Variants in RUFY1 observed in about 807,000 individuals in gnomAD.
The protein encoded by RUFY1 is RUN and FYVE domain containing 1.
A neutral mutation model predicts 94.6 loss-of-function variants in RUFY1; 54 were observed. The ratio of observed to expected loss-of-function variants is 0.57; its 90% CI spans 0.46 to 0.72. RUFY1 has a LOEUF of 0.72. Among genes scored for constraint, RUFY1 ranks in the 30% least tolerant of loss-of-function variants. RUFY1 has a pLI of 0.00. For synonymous variants in RUFY1, 396 were observed against 347.3 expected, an observed-to-expected ratio of 1.14 and a Z score of -1.56; for missense variants, 883 against 883.9, an observed-to-expected ratio of 1.00 and a Z score of 0.01.
intron 1 of RUFY1, among the ~76,000 whole-genome samples, chr5:179,559,269 TA>T (rs972900225): frequency 2.6e-5 from 4 of 152,362 alleles, no homozygotes; most frequent in African/African-American, 9.6e-5. Context: ...ACACAGTCTT[TA>T]TTACACCCTC....
Position 179,609,496 on chromosome 5 carries a change from C to T in RUFY1, c.2104C>T (p.Arg702Cys), listed in dbSNP as rs1391590593. ...CAGCTGCCACACCCTGCTCCTGCAG[C>T]GCTGCTCCTCCACGGCCTCCTGAAC... Reference protein sequence around the residue: ...CDSCHTLLLQRCSSTAS With the variant: ...CDSCHTLLLQCCSSTAS The change falls in exon 18 of 18, where the codon CGC becomes TGC. Residue 702 changes from arginine to cysteine, a missense_variant. Coordinates refer to ENST00000319449, the MANE Select transcript of RUFY1 (RefSeq NM_025158.5). 8.7e-6 allele frequency: 14 copies of T among 1,608,050 alleles called. No homozygotes were observed. Among genetic ancestry groups the T allele is most frequent in the South Asian group, 1.1e-5 (1 of 90,750 alleles).
chr5:179,609,261 A>G (rs980351222), intron 17 of RUFY1, 115 bp from the exon 18 acceptor site: 1 of 1,033,640 alleles, frequency 9.7e-7, no homozygotes, highest in Non-Finnish European at 1.4e-6. Flanking sequence ...ACCACCCCAC[A>G]GAAACATAAG....
At chr5:179,561,488 G>A (rs1001209972) in intron 2 of RUFY1, among the ~76,000 whole-genome samples, 1 of 151,602 alleles carries the variant, frequency 6.6e-6, no homozygotes, top group Non-Finnish European at 1.5e-5. Context: ...AGAATTTCTA[G>A]CTATGTAGAG....
intron 17 of RUFY1, among the ~76,000 whole-genome samples, chr5:179,609,138 C>T (rs1281038223): frequency 6.9e-6 from 1 of 144,056 alleles, no homozygotes; most frequent in Non-Finnish European, 1.5e-5. Flanking sequence ...ACCTGGGAGG[C>T]AGAGCTTGCA....
intron 17 of RUFY1, chr5:179,608,220 A>G: frequency 1.1e-6 from 1 of 898,432 alleles, no homozygotes; most frequent in Non-Finnish European, 1.3e-6. Context: ...TGGGAGCTAA[A>G]GGAAACACTG....
chr5:179,596,774 G>A (rs868652484), intron 13 of RUFY1, 93 bp downstream of exon 13: 6 of 924,550 alleles, frequency 6.5e-6, no homozygotes, highest in Middle Eastern at 8.0e-4. Context: ...AGCACGAACG[G>A]GAGGAGGGGG....
At chr5:179,563,680 CT>C (rs34656379) in intron 3 of RUFY1, among the ~76,000 whole-genome samples, 53 of 147,880 alleles carry the variant, frequency 3.6e-4, no homozygotes, top group Middle Eastern at 3.6e-3. Context: ...ATTTCATGAC[CT>C]TTTTTTTTTT....
chr5:179,583,570 C>G (rs1313562628), intron 7 of RUFY1, among the ~76,000 whole-genome samples: 1 of 147,446 alleles, frequency 6.8e-6, no homozygotes, highest in Non-Finnish European at 1.5e-5. Context: ...GCACCTGCCA[C>G]CACACTTGGC....
At chr5:179,560,457 C>A (rs1410677173) in intron 2 of RUFY1, among the ~76,000 whole-genome samples, 5 of 152,068 alleles carry the variant, frequency 3.3e-5, no homozygotes, top group Non-Finnish European at 7.4e-5. Flanking sequence ...CGGTGGCTCA[C>A]GCCTGTAATC....
intron 15 of RUFY1, among the ~76,000 whole-genome samples, chr5:179,603,244 A>G (rs10213709): frequency 0.048 from 6,840 of 143,980 alleles, 508 homozygotes; most frequent in African/African-American, 0.16. Context: ...CAGCCTGGGC[A>G]ACAAAAGTGA....
At chr5:179,607,982 G>A (rs930725542) in intron 17 of RUFY1, among the ~76,000 whole-genome samples, 12 of 152,158 alleles carry the variant, frequency 7.9e-5, no homozygotes, top group African/African-American at 2.9e-4. Flanking sequence ...TTCTCTGTAT[G>A]CGGCAGGAAC....
In RUFY1 at chr5:179,609,719, ATGGAAACTTCCATCTTACT is replaced by A; in HGVS notation, c.*204_*222del. 2.0e-6 allele frequency: 1 copy of A among 508,976 alleles called. No individual in the cohort carries two copies. 31.5% of individuals were successfully genotyped at this position (508,976 alleles called of 1,614,324 possible). A position where few individuals can be genotyped will look rare whatever the true frequency, so the allele number is the denominator to read the frequency against. On this transcript the variant is annotated 3_prime_UTR_variant, in exon 18 of 18. Transcript: ENST00000319449. ...ACTTGTTCGGAATTAACTCCTCTGGATGGAAACTTCCATCTTACTTGGTTACATCACGGCTCTGGTTCAG... is the reference window on the plus strand; with the variant it reads ...ACTTGTTCGGAATTAACTCCTCTGGATGGTTACATCACGGCTCTGGTTCAG...
At chr5:179,602,038 C>T (rs1444270274) in intron 15 of RUFY1, 52 bp downstream of exon 15, 1 of 1,435,778 alleles carries the variant, frequency 7.0e-7, no homozygotes, top group African/African-American at 1.4e-5. Flanking sequence ...AGGCTACCCA[C>T]CACATCCCTC....
intron 10 of RUFY1, among the ~76,000 whole-genome samples, chr5:179,591,969 G>A (rs916555079): frequency 8.6e-5 from 13 of 151,876 alleles, no homozygotes; most frequent in African/African-American, 2.9e-4. Flanking sequence ...TTTTCAAGAC[G>A]GAGTCTCACT....
chr5:179,590,073 G>T (rs553035838), intron 9 of RUFY1, among the ~76,000 whole-genome samples: 7 of 152,280 alleles, frequency 4.6e-5, no homozygotes, highest in African/African-American at 1.2e-4. Context: ...CCATATCTGG[G>T]CCGGGCACAG....
intron 8 of RUFY1, among the ~76,000 whole-genome samples, chr5:179,588,662 G>A (rs1764802850): frequency 6.6e-6 from 1 of 152,130 alleles, no homozygotes; most frequent in Non-Finnish European, 1.5e-5. Context: ...CAGGAAAAAA[G>A]CCCATAACCC....
chr5:179,560,577 T>G (rs1479347922), intron 2 of RUFY1, among the ~76,000 whole-genome samples: 1 of 149,818 alleles, frequency 6.7e-6, no homozygotes, highest in Non-Finnish European at 1.5e-5. Flanking sequence ...ATACAAAAAA[T>G]TAGCTGGGCG....
chr5:179,606,440 C>T (rs1767092504), intron 16 of RUFY1: 1 of 162,172 alleles, frequency 6.2e-6, no homozygotes, highest in Non-Finnish European at 1.3e-5. Flanking sequence ...GTGCGGGTGC[C>T]AGGCTGAGCT....
intron 14 of RUFY1, among the ~76,000 whole-genome samples, chr5:179,601,327 C>T (rs925139282): frequency 6.6e-6 from 1 of 151,998 alleles, no homozygotes; most frequent in East Asian, 2.0e-4. Context: ...TGCCACCACA[C>T]CCAGCTAATT....
Sources: allele counts gnomAD v4.1 joint callset (sites outside exome capture counted in the v4.1 genomes callset), GRCh38; gene constraint gnomAD v4.1.1; transcripts MANE v1.5; gene names NCBI Gene and HGNC (gene_info 2026-07-23, HGNC 2026-07-21).